Variants in VWA8 observed in about 807,000 individuals in gnomAD.
VWA8 encodes the protein von Willebrand factor A domain containing 8, also known as von Willebrand factor A domain-containing protein 8.
In VWA8, 221 loss-of-function variants were observed where a neutral mutation model predicts 241.5. That is an observed-to-expected ratio of 0.91 (90% CI 0.82 to 1.02). The LOEUF (loss-of-function observed/expected upper bound fraction) is 1.02, where lower values mean the gene tolerates loss of function less well. Among genes scored for constraint, VWA8 ranks in the 50% least tolerant of loss-of-function variants. The pLI, the probability that VWA8 is intolerant of heterozygous loss-of-function variation, is 0.00. For missense variants in VWA8, 2,322 were observed against 2,328.7 expected (o/e 1.00, Z 0.06); for synonymous variants, 852 against 827.1 (o/e 1.03, Z -0.52).
intron 26 of VWA8, among the ~76,000 whole-genome samples, chr13:41,709,414 G>A (rs2045302623): frequency 6.6e-6 from 1 of 152,084 alleles, no homozygotes; most frequent in Admixed American, 6.5e-5. Context: ...TAGGTTCACC[G>A]CCTTTCAGTT....
At chr13:41,761,377 A>C (rs962848731) in intron 20 of VWA8, among the ~76,000 whole-genome samples, 173 bp from the exon 21 acceptor site, 3 of 152,064 alleles carry the variant, frequency 2.0e-5, no homozygotes, top group African/African-American at 4.8e-5. Flanking sequence ...CTATGACATA[A>C]GGGTTTAAAA....
intron 3 of VWA8, among the ~76,000 whole-genome samples, chr13:41,910,588 A>C (rs999279419): frequency 2.6e-5 from 4 of 151,692 alleles, no homozygotes; most frequent in Non-Finnish European, 5.9e-5. Flanking sequence ...CATCTCAAAA[A>C]AAACAAAAAA....
intron 21 of VWA8, among the ~76,000 whole-genome samples, chr13:41,733,759 G>C (rs1478943922): frequency 1.3e-5 from 2 of 152,018 alleles, no homozygotes; most frequent in Non-Finnish European, 2.9e-5. Context: ...TTCCCACACA[G>C]ACTGTAAGAT....
intron 37 of VWA8, among the ~76,000 whole-genome samples, chr13:41,622,691 T>G (rs1375544707): frequency 6.6e-6 from 1 of 152,168 alleles, no homozygotes. Flanking sequence ...TTACAACTCA[T>G]AAAAATGTTC....
In VWA8 at chr13:41,732,061, C is replaced by A. The variant is rs2045488222; in HGVS notation, c.2502+19G>T. The A allele has an allele frequency of 6.3e-7, 1 of 1,597,966 alleles. No homozygotes were observed. The highest frequency in any genetic ancestry group is 8.6e-7 in the Non-Finnish European group (1 of 1,168,946). ...TACAAAAATACACTTGAAAATATTT[C>A]TATGATTAGGTTACTAACCAAAGGT... On this transcript the variant is annotated intron_variant, in intron 22 of 44. Transcript: ENST00000379310.
chr13:41,599,095 G>A (rs2044506107), intron 40 of VWA8, among the ~76,000 whole-genome samples: 1 of 152,036 alleles, frequency 6.6e-6, no homozygotes, highest in Non-Finnish European at 1.5e-5. Flanking sequence ...TTGTTGGGAC[G>A]ACTCAGGGCT....
chr13:41,853,215 G>C (rs961477746), intron 12 of VWA8, among the ~76,000 whole-genome samples: 1 of 152,156 alleles, frequency 6.6e-6, no homozygotes, highest in Non-Finnish European at 1.5e-5. Flanking sequence ...ACTTGTTCCA[G>C]ATCTTAGAGG....
At position 41,685,179 on chromosome 13, in the gene VWA8, T is replaced by G. The variant is rs2045127310; in HGVS notation, c.4195A>C (p.Thr1399Pro). The G allele has an allele frequency of 9.3e-6, 15 of 1,613,444 alleles. No homozygotes were observed. The highest frequency in any genetic ancestry group is 1.3e-5 in the Non-Finnish European group (15 of 1,179,714). The change falls in exon 35 of 45, where the codon ACA becomes CCA. Residue 1399 changes from threonine (T) to proline (P), a missense_variant. Thr to Pro is a conservative substitution (Grantham distance 38). Coordinates refer to ENST00000379310, the MANE Select transcript of VWA8 (RefSeq NM_015058.2). ...SSLHKRSGTD[T>P]SFYRGKKKRG... ...TTCTTCTTTCCTCTATAGAATGATG[T>G]ATCAGTGCCACTTCGTTTATGCAAA...
chr13:41,722,095 C>A (rs753044507), intron 24 of VWA8, among the ~76,000 whole-genome samples: 18 of 152,210 alleles, frequency 1.2e-4, no homozygotes, highest in Middle Eastern at 6.8e-3. Context: ...TTATATACAT[C>A]TATCTCATAT....
chr13:41,729,646 A>G lies in VWA8; in HGVS notation c.2534T>C (p.Val845Ala), dbSNP rs763454785. Residue 845 changes from valine to alanine, a missense_variant, in exon 23 of 45, where the codon GTA becomes GCA. Physicochemically the swap from Val to Ala is moderately conservative, Grantham distance 64 (BLOSUM62 0). Transcript: ENST00000379310. ...VKAVKLGHIL[V>A]VDEADKAPTN... The stretch of plus-strand genomic sequence containing the variant: ...TGGAGCTTTGTCAGCCTCATCTACT[A>G]CCAGAATATGACCCAACTTTACTGC... 2.1e-5 allele frequency: 34 copies of G among 1,612,764 alleles called. No individual in the cohort carries two copies. The South Asian group carries it at 3.5e-4, about 17-fold the overall frequency.
intron 2 of VWA8, among the ~76,000 whole-genome samples, chr13:41,914,462 T>C (rs1876160245): frequency 6.6e-6 from 1 of 152,198 alleles, no homozygotes; most frequent in Non-Finnish European, 1.5e-5. Flanking sequence ...TACTTGAAGC[T>C]TAAATCAATC....
intron 24 of VWA8, among the ~76,000 whole-genome samples, chr13:41,725,747 C>T (rs2045427890): frequency 6.6e-6 from 1 of 152,058 alleles, no homozygotes; most frequent in South Asian, 2.1e-4. Context: ...TAAGGAGTGG[C>T]TTGGGGTATA....
At chr13:41,582,074 G>T (rs2139641129) in intron 42 of VWA8, among the ~76,000 whole-genome samples, 1 of 152,300 alleles carries the variant, frequency 6.6e-6, no homozygotes, top group African/African-American at 2.4e-5. Context: ...AGCAAATGAT[G>T]TTGCGCTAGT....
intron 13 of VWA8, among the ~76,000 whole-genome samples, chr13:41,832,681 A>T (rs1871524292): frequency 6.6e-6 from 1 of 152,178 alleles, no homozygotes; most frequent in African/African-American, 2.4e-5. Context: ...AATAAACAGA[A>T]AATATCAGTA....
At chr13:41,778,149 T>C (rs12864636) in intron 19 of VWA8, 93 bp from the exon 20 acceptor site, 256,883 of 753,090 alleles carry the variant, frequency 0.34, 45,709 homozygotes, top group South Asian at 0.37. Flanking sequence ...AATATAAATA[T>C]CTATTATAAT....
Position 41,949,807 on chromosome 13 carries a change from G to A in VWA8, c.241+129C>T, listed in dbSNP as rs1878039264. On this transcript the variant is annotated intron_variant, in intron 2 of 44. Coordinates refer to ENST00000379310, the MANE Select transcript of VWA8 (RefSeq NM_015058.2). ...GTTAAAAGAAGATTGGCATAATATT[G>A]ATAAATGTTGAAGCTGGATGATAAA... The A allele has an allele frequency of 6.0e-6, 3 of 497,284 alleles. No homozygotes were observed. The Admixed American group carries it at 1.2e-4, about 20-fold the overall frequency. The allele number at this position is 497,284 out of a possible 1,614,324, so 30.8% of individuals were successfully genotyped here. A position where few individuals can be genotyped will look rare whatever the true frequency, so the allele number is the denominator to read the frequency against.
chr13:41,894,674 T>C (rs563837555), intron 4 of VWA8, among the ~76,000 whole-genome samples: 1 of 152,292 alleles, frequency 6.6e-6, no homozygotes, highest in East Asian at 1.9e-4. Context: ...TCACAAAATA[T>C]TTTAAAATGA....
chr13:41,841,820 A>T (rs28608595), intron 12 of VWA8, among the ~76,000 whole-genome samples: 114 of 22,056 alleles, frequency 5.2e-3, no homozygotes, highest in African/African-American at 0.011. Context: ...AAAAAAAAAA[A>T]ATATATATAT....
intron 4 of VWA8, among the ~76,000 whole-genome samples, chr13:41,906,930 T>C (rs556496269): frequency 6.6e-6 from 1 of 152,288 alleles, no homozygotes; most frequent in Admixed American, 6.5e-5. Flanking sequence ...TTAATTTTTA[T>C]TTTTGTAAAT....
Sources: gnomAD v4.1 joint callset for allele counts (sites outside exome capture counted in the v4.1 genomes callset) on GRCh38, gnomAD v4.1.1 for gene constraint, MANE v1.5 for transcripts, NCBI Gene and HGNC (gene_info 2026-07-23, HGNC 2026-07-21) for gene names.